Variants in GLIS3 observed in about 807,000 individuals in gnomAD.
GLIS3 encodes the protein zinc finger protein GLIS3.
GLIS3 carries 53 observed loss-of-function variants against 78.6 expected under a neutral mutation model. The ratio of observed to expected loss-of-function variants is 0.67; its 90% CI spans 0.54 to 0.85. The LOEUF is 0.85. Ranked by LOEUF, GLIS3 falls within the 40% of genes least tolerant of loss-of-function variation. The pLI, the probability that GLIS3 is intolerant of heterozygous loss-of-function variation, is 0.00. For missense variants in GLIS3, 1,703 were observed against 1,231.1 expected (o/e 1.38, Z -5.74); for synonymous variants, 684 against 509.9 (o/e 1.34, Z -4.60).
intron 4 of GLIS3, among the ~76,000 whole-genome samples, chr9:4,059,318 CTT>C (rs148479687): frequency 0.036 from 5,557 of 152,270 alleles, 342 homozygotes; most frequent in African/African-American, 0.13. Context: ...AAAATATTCT[CTT>C]TGTTCTCCAC....
At chr9:4,428,718 C>T in the GLIS3 span, among the ~76,000 whole-genome samples, 1 of 151,932 alleles carries the variant, frequency 6.6e-6, no homozygotes, top group African/African-American at 2.4e-5. Flanking sequence ...CATTCAAAGC[C>T]CTAGGAATCC....
At chr9:4,318,638 T>C (rs1446306190) in intron 2 of GLIS3, among the ~76,000 whole-genome samples, 1 of 151,992 alleles carries the variant, frequency 6.6e-6, no homozygotes, top group East Asian at 1.9e-4. Flanking sequence ...AAAAAATATA[T>C]AAATAAGTAA....
chr9:4,408,063 G>C, the GLIS3 span, among the ~76,000 whole-genome samples: 2 of 152,070 alleles, frequency 1.3e-5, no homozygotes, highest in African/African-American at 4.8e-5. Context: ...AAACCACAAG[G>C]AGATATCGTA....
intron 4 of GLIS3, among the ~76,000 whole-genome samples, chr9:4,008,664 C>T (rs1412050599): frequency 6.6e-6 from 1 of 152,136 alleles, no homozygotes; most frequent in Non-Finnish European, 1.5e-5. Flanking sequence ...TCACAAAGTA[C>T]ATGCCCCATG....
At chr9:4,291,396 A>C (rs1815963227) in intron 1 of GLIS3, among the ~76,000 whole-genome samples, 1 of 152,122 alleles carries the variant, frequency 6.6e-6, no homozygotes, top group African/African-American at 2.4e-5. Context: ...TTTATCTGTC[A>C]ATTCGAACCT....
At chr9:4,429,141 TC>T in the GLIS3 span, among the ~76,000 whole-genome samples, 1 of 152,106 alleles carries the variant, frequency 6.6e-6, no homozygotes, top group Non-Finnish European at 1.5e-5. Context: ...TAATATTTCC[TC>T]CCATCTGATG....
intron 2 of GLIS3, among the ~76,000 whole-genome samples, chr9:4,326,786 A>T (rs1317415148): frequency 6.6e-6 from 1 of 152,232 alleles, no homozygotes; most frequent in Non-Finnish European, 1.5e-5. Context: ...ATAGGCTGGA[A>T]GTGCCTGCGA....
At chr9:4,065,890 C>G (rs890116894) in intron 4 of GLIS3, among the ~76,000 whole-genome samples, 54 of 151,686 alleles carry the variant, frequency 3.6e-4, no homozygotes, top group Non-Finnish European at 7.4e-5. Context: ...CTAAGAAGAC[C>G]GTAATTTTAA....
At chr9:4,375,985 AGT>A in the GLIS3 span, among the ~76,000 whole-genome samples, 1 of 152,176 alleles carries the variant, frequency 6.6e-6, no homozygotes, top group Non-Finnish European at 1.5e-5. Context: ...TGTAAAAGAA[AGT>A]GAGTCCCTGA....
chr9:4,089,672 AG>A (rs570043198), intron 4 of GLIS3, among the ~76,000 whole-genome samples: 148 of 152,176 alleles, frequency 9.7e-4, no homozygotes, highest in African/African-American at 3.4e-3. Context: ...TTTTTTAATT[AG>A]CCAGGCATGG....
chr9:3,862,064 G>A (rs1204064202), intron 8 of GLIS3, among the ~76,000 whole-genome samples: 3 of 152,172 alleles, frequency 2.0e-5, no homozygotes, highest in Admixed American at 1.3e-4. Flanking sequence ...GGGTTTTCCA[G>A]TGGAGTATCC....
In GLIS3 at chr9:4,265,897, G is replaced by GTTT. The variant is rs148160187; in HGVS notation, c.388+20138_388+20140dup. 6.0e-3 allele frequency among the ~76,000 whole-genome samples: 722 copies of GTTT among 120,760 alleles called. 6 individuals carry two copies. Among genetic ancestry groups the GTTT allele is most frequent in the Non-Finnish European group, 9.0e-3 (543 of 60,374 alleles). The allele number at this position is 120,760 out of a possible 152,430, so 79.2% of individuals were successfully genotyped here. ...GTTTTAGTAAAATGCACTCACCCTG[G>GTTT]TTTTTTTTTTGTTTGTCTGTTTGTT... On this transcript the variant is annotated intron_variant, in intron 2 of 10. Transcript: ENST00000381971.
intron 6 of GLIS3, among the ~76,000 whole-genome samples, chr9:3,928,355 C>A (rs1011124772): frequency 6.6e-6 from 1 of 152,194 alleles, no homozygotes; most frequent in Non-Finnish European, 1.5e-5. Flanking sequence ...TCATGCACCC[C>A]ACTTGTGCAT....
At chr9:4,398,536 T>C in the GLIS3 span, among the ~76,000 whole-genome samples, 3 of 151,968 alleles carry the variant, frequency 2.0e-5, no homozygotes, top group Admixed American at 6.5e-5. Flanking sequence ...CTCCTTCTTC[T>C]TTCTTCTTCC....
the GLIS3 span, among the ~76,000 whole-genome samples, chr9:4,444,936 A>G: frequency 6.6e-6 from 1 of 152,196 alleles, no homozygotes; most frequent in South Asian, 2.1e-4. Flanking sequence ...CATAAGAAAC[A>G]TGAGGGTTAA....
the GLIS3 span, among the ~76,000 whole-genome samples, chr9:4,366,553 C>T: frequency 3.3e-5 from 5 of 152,306 alleles, no homozygotes; most frequent in South Asian, 4.1e-4. Context: ...TTCCATTCCA[C>T]GCAATTCATG....
chr9:4,408,607 G>T, the GLIS3 span, among the ~76,000 whole-genome samples: 10 of 147,610 alleles, frequency 6.8e-5, no homozygotes, highest in African/African-American at 1.0e-4. Flanking sequence ...GGCGCCTGTA[G>T]TCCCAGGTAC....
chr9:4,461,413 C>T, the GLIS3 span, among the ~76,000 whole-genome samples: 2 of 152,174 alleles, frequency 1.3e-5, no homozygotes, highest in Admixed American at 1.3e-4. Flanking sequence ...AAAATGTTCT[C>T]ATATTGGTAT....
intron 4 of GLIS3, among the ~76,000 whole-genome samples, chr9:3,945,451 T>G (rs933672788): frequency 6.6e-6 from 1 of 152,188 alleles, no homozygotes; most frequent in African/African-American, 2.4e-5. Flanking sequence ...CAATGAGTAC[T>G]TCATTAGGCT....
Sources: allele counts gnomAD v4.1 joint callset (sites outside exome capture counted in the v4.1 genomes callset), GRCh38; gene constraint gnomAD v4.1.1; transcripts MANE v1.5; gene names NCBI Gene and HGNC (gene_info 2026-07-23, HGNC 2026-07-21).